NR6A1: variants seen among roughly 807,000 people sequenced by gnomAD.
NR6A1 encodes the protein nuclear receptor subfamily 6 group A member 1.
In NR6A1, 7 loss-of-function variants were observed where a neutral mutation model predicts 59.1. The observed-to-expected ratio is 0.12, with a 90% CI of 0.07 to 0.22. The LOEUF is 0.22. NR6A1 is among the 10% of genes least tolerant of loss of function. The pLI, the probability that NR6A1 is intolerant of heterozygous loss-of-function variation, is 1.00. For missense variants in NR6A1, 468 were observed against 611.6 expected (o/e 0.77, Z 2.48); for synonymous variants, 243 against 236.1 (o/e 1.03, Z -0.27).
At chr9:124,679,417 C>G (rs1284595508) in intron 2 of NR6A1, among the ~76,000 whole-genome samples, 8 of 152,176 alleles carry the variant, frequency 5.3e-5, no homozygotes. Flanking sequence ...CTGCCTTAAT[C>G]TAAAAACTAA....
At chr9:124,710,490 A>G (rs1839245617) in intron 2 of NR6A1, among the ~76,000 whole-genome samples, 1 of 152,190 alleles carries the variant, frequency 6.6e-6, no homozygotes, top group African/African-American at 2.4e-5. Flanking sequence ...TCAAAGGTTC[A>G]TTGCAATGAG....
chr9:124,654,645 G>A (rs143501126), intron 2 of NR6A1, among the ~76,000 whole-genome samples: 9 of 152,110 alleles, frequency 5.9e-5, no homozygotes, highest in African/African-American at 1.7e-4. Flanking sequence ...GGCATAGCCC[G>A]ATACTTCCTC....
chr9:124,632,620 T>C (rs1836480494), intron 2 of NR6A1, among the ~76,000 whole-genome samples: 1 of 152,192 alleles, frequency 6.6e-6, no homozygotes, highest in Non-Finnish European at 1.5e-5. Context: ...AATGCCAAGA[T>C]TTGTAAGGTT....
chr9:124,525,677 A>C (rs1168098901), intron 8 of NR6A1, among the ~76,000 whole-genome samples: 1 of 149,140 alleles, frequency 6.7e-6, no homozygotes. Flanking sequence ...TTCTAAATAG[A>C]TCTCTCTCTC....
chr9:124,695,537 T>C (rs1434597603), intron 2 of NR6A1, among the ~76,000 whole-genome samples: 1 of 152,042 alleles, frequency 6.6e-6, no homozygotes, highest in African/African-American at 2.4e-5. Flanking sequence ...TCAATTTTTG[T>C]GTTTTTAGAA....
intron 3 of NR6A1, among the ~76,000 whole-genome samples, chr9:124,550,375 ATTTTTTTTTTTT>A (rs58594452): frequency 2.6e-5 from 3 of 117,620 alleles, no homozygotes; most frequent in African/African-American, 6.5e-5. Flanking sequence ...CTAATGGTGA[ATTTTTTTTTTTT>A]TTTTTTTTTT....
intron 2 of NR6A1, among the ~76,000 whole-genome samples, chr9:124,728,062 T>C (rs1034208961): frequency 6.6e-6 from 1 of 151,834 alleles, no homozygotes; most frequent in African/African-American, 2.4e-5. Context: ...AGTCTCACTC[T>C]GTCACCCAGG....
chr9:124,707,807 CTG>C (rs1236662568), intron 2 of NR6A1, among the ~76,000 whole-genome samples: 1 of 152,196 alleles, frequency 6.6e-6, no homozygotes, highest in African/African-American at 2.4e-5. Flanking sequence ...ACCCCTCTAA[CTG>C]TATAGCTTCC....
chr9:124,531,260 C>G (rs562528529), intron 7 of NR6A1, among the ~76,000 whole-genome samples: 29 of 152,314 alleles, frequency 1.9e-4, no homozygotes, highest in African/African-American at 6.7e-4. Context: ...TGAGAGGAGT[C>G]TTGATTAGGG....
intron 2 of NR6A1, among the ~76,000 whole-genome samples, chr9:124,564,707 G>A (rs1237482403): frequency 6.6e-6 from 1 of 151,986 alleles, no homozygotes; most frequent in Non-Finnish European, 1.5e-5. Context: ...GTGTGTGTGT[G>A]TGTATAACTT....
chr9:124,634,698 T>C (rs1007397058), intron 2 of NR6A1, among the ~76,000 whole-genome samples: 1 of 152,096 alleles, frequency 6.6e-6, no homozygotes, highest in Non-Finnish European at 1.5e-5. Context: ...GGCGGGCGCC[T>C]GTAGTCCCAG....
chr9:124,661,898 A>T (rs1837446867), intron 2 of NR6A1, among the ~76,000 whole-genome samples: 1 of 152,162 alleles, frequency 6.6e-6, no homozygotes, highest in East Asian at 1.9e-4. Flanking sequence ...GATATAAGAC[A>T]TTTCTATCAC....
chr9:124,538,716 A>G (rs1376466114), intron 5 of NR6A1, among the ~76,000 whole-genome samples: 1 of 152,224 alleles, frequency 6.6e-6, no homozygotes, highest in Non-Finnish European at 1.5e-5. Context: ...AGTCCTGGCT[A>G]GGCCACAAAA....
intron 2 of NR6A1, among the ~76,000 whole-genome samples, chr9:124,583,661 G>C (rs994473991): frequency 6.6e-6 from 1 of 152,106 alleles, no homozygotes; most frequent in Admixed American, 6.6e-5. Context: ...ATGAGTCTTA[G>C]AACTCACGGC....
At chr9:124,730,558 T>C (rs1839852550) in intron 2 of NR6A1, among the ~76,000 whole-genome samples, 1 of 149,226 alleles carries the variant, frequency 6.7e-6, no homozygotes, top group Non-Finnish European at 1.5e-5. Context: ...TTTTAGTCTT[T>C]TTTTTTTTTT....
At chr9:124,642,370 T>G (rs1289380420) in intron 2 of NR6A1, among the ~76,000 whole-genome samples, 1 of 152,228 alleles carries the variant, frequency 6.6e-6, no homozygotes, top group Non-Finnish European at 1.5e-5. Flanking sequence ...TTATTTATTA[T>G]CTATAAAATG....
intron 6 of NR6A1, among the ~76,000 whole-genome samples, chr9:124,536,657 T>A (rs1833275937): frequency 6.7e-6 from 1 of 149,070 alleles, no homozygotes; most frequent in Non-Finnish European, 1.5e-5. Flanking sequence ...AGAGCAAGAC[T>A]CTGTCTAAAA....
intron 2 of NR6A1, among the ~76,000 whole-genome samples, chr9:124,662,383 A>G (rs1837466204): frequency 6.6e-6 from 1 of 152,184 alleles, no homozygotes; most frequent in African/African-American, 2.4e-5. Flanking sequence ...TAGCTAGATG[A>G]TATTAGGCAA....
intron 1 of NR6A1, among the ~76,000 whole-genome samples, chr9:124,756,012 T>G (rs1296212850): frequency 6.6e-6 from 1 of 152,206 alleles, no homozygotes; most frequent in Non-Finnish European, 1.5e-5. Context: ...ATATTTTAAA[T>G]GATCAACAAA....
Sources: gnomAD v4.1 joint callset for allele counts (sites outside exome capture counted in the v4.1 genomes callset) on GRCh38, gnomAD v4.1.1 for gene constraint, MANE v1.5 for transcripts, NCBI Gene and HGNC (gene_info 2026-07-23, HGNC 2026-07-21) for gene names.